Variants in LRRC2 observed in about 807,000 individuals in gnomAD.
The protein encoded by LRRC2 is leucine rich repeat containing 2.
A neutral mutation model predicts 40.2 loss-of-function variants in LRRC2; 27 were observed. That is an observed-to-expected ratio of 0.67 (90% confidence interval 0.49 to 0.93). The LOEUF is 0.93. Ranked by LOEUF, LRRC2 falls within the 40% of genes least tolerant of loss-of-function variation. The pLI is 0.00. For synonymous variants in LRRC2, 147 were observed against 158.9 expected, an observed-to-expected ratio of 0.92 and a Z score of 0.56; for missense variants, 402 against 439.6, an observed-to-expected ratio of 0.91 and a Z score of 0.76.
chr3:46,564,462 A>T (rs2107068730), intron 1 of LRRC2, among the ~76,000 whole-genome samples: 1 of 152,130 alleles, frequency 6.6e-6, no homozygotes, highest in Admixed American at 6.5e-5. Flanking sequence ...CCTTCTTGTC[A>T]AATTACACTG....
intron 3 of LRRC2, among the ~76,000 whole-genome samples, chr3:46,541,215 C>A (rs1302843617): frequency 6.6e-6 from 1 of 151,852 alleles, no homozygotes; most frequent in African/African-American, 2.4e-5. Context: ...CGCCTGCAGT[C>A]CCAGCTGCTC....
intron 1 of LRRC2, among the ~76,000 whole-genome samples, chr3:46,556,610 G>T (rs1363463075): frequency 8.2e-6 from 1 of 122,248 alleles, no homozygotes; most frequent in Non-Finnish European, 1.6e-5. Context: ...ACAGAGTCTC[G>T]CTCTGTCGCC....
At chr3:46,543,105 G>A (rs754787216) in intron 3 of LRRC2, among the ~76,000 whole-genome samples, 1 of 152,146 alleles carries the variant, frequency 6.6e-6, no homozygotes, top group African/African-American at 2.4e-5. Context: ...GGAGGAAAAC[G>A]GTAACTGAAA....
At chr3:46,534,535 C>T (rs1310525105) in intron 4 of LRRC2, among the ~76,000 whole-genome samples, 1 of 151,668 alleles carries the variant, frequency 6.6e-6, no homozygotes, top group African/African-American at 2.4e-5. Flanking sequence ...CTACTAAATG[C>T]ACACCACTTT....
intron 7 of LRRC2, among the ~76,000 whole-genome samples, chr3:46,524,255 A>C (rs1387330810): frequency 6.6e-6 from 1 of 152,170 alleles, no homozygotes; most frequent in Non-Finnish European, 1.5e-5. Context: ...TCACTCAAGC[A>C]CAGGGCTAGC....
intron 2 of LRRC2, among the ~76,000 whole-genome samples, chr3:46,548,805 G>A (rs906930644): frequency 3.3e-5 from 5 of 152,108 alleles, no homozygotes; most frequent in East Asian, 1.9e-4. Context: ...GGATGGTTTC[G>A]GGATAAAACT....
intron 2 of LRRC2, among the ~76,000 whole-genome samples, chr3:46,550,548 C>T (rs907884389): frequency 2.6e-5 from 4 of 152,106 alleles, no homozygotes; most frequent in African/African-American, 7.2e-5. Context: ...CCCGCCACCA[C>T]GCCCGGCTAA....
intron 2 of LRRC2, 149 bp downstream of exon 2, chr3:46,551,318 C>G: frequency 3.4e-6 from 3 of 873,964 alleles, no homozygotes; most frequent in South Asian, 2.0e-5. Flanking sequence ...TACTGAGCAA[C>G]AGTGTAAGGC....
rs548320607 is a variant in LRRC2, at chr3:46,516,667, G to A, written c.*2347C>T. 5 of 152,344 alleles carry A rather than the reference G, an allele frequency of 3.3e-5. No homozygotes were observed. In the East Asian group the frequency reaches 9.6e-4, roughly 29 times the overall value. 9.4% of individuals were successfully genotyped at this position (152,344 alleles called of 1,614,324 possible). A position where few individuals can be genotyped will look rare whatever the true frequency, so the allele number is the denominator to read the frequency against. ...CCTCTGCAGGTCTGAACCCCAGCCT[G>A]GGCCTTGAACATTCCTAGGCACTGA... On this transcript the variant is annotated 3_prime_UTR_variant, in exon 9 of 9. Coordinates refer to ENST00000395905, the MANE Select transcript of LRRC2 (RefSeq NM_024512.5).
intron 1 of LRRC2, among the ~76,000 whole-genome samples, chr3:46,564,452 C>T (rs1350731251): frequency 6.6e-6 from 1 of 151,754 alleles, no homozygotes; most frequent in Non-Finnish European, 1.5e-5. Flanking sequence ...TAGTCCTCTC[C>T]CTTCTTGTCA....
Position 46,526,788 on chromosome 3 carries a change from C to T in LRRC2, c.929+638G>A, listed in dbSNP as rs530958501. On this transcript the variant is annotated intron_variant, in intron 7 of 8. Coordinates refer to ENST00000395905, the MANE Select transcript of LRRC2 (RefSeq NM_024512.5). ...GTCTCTGGACAGAGAGAAGGTGGCT[C>T]TTAATAGAGCAGCCTCGTGTGAATA... Among the ~76,000 whole-genome samples, 64 of 152,346 alleles carry T rather than the reference C, an allele frequency of 4.2e-4. 1 individual carries two copies. The highest frequency in any genetic ancestry group is 3.4e-3 in the Middle Eastern group (1 of 294).
intron 1 of LRRC2, among the ~76,000 whole-genome samples, chr3:46,560,264 T>C (rs1433029626): frequency 6.6e-6 from 1 of 152,170 alleles, no homozygotes; most frequent in African/African-American, 2.4e-5. Flanking sequence ...GAAACCACAC[T>C]GGGGAGCCCA....
chr3:46,560,458 T>C (rs568781842), intron 1 of LRRC2, among the ~76,000 whole-genome samples: 34 of 152,310 alleles, frequency 2.2e-4, no homozygotes, highest in Middle Eastern at 3.4e-3. Flanking sequence ...ACTATAGAAA[T>C]GTCATCATCA....
At chr3:46,556,334 C>T (rs1028950087) in intron 1 of LRRC2, among the ~76,000 whole-genome samples, 3 of 151,844 alleles carry the variant, frequency 2.0e-5, no homozygotes, top group African/African-American at 7.3e-5. Context: ...ACTATGTTGC[C>T]CAGGCTGGTC....
At chr3:46,534,289 G>T (rs966496490) in intron 4 of LRRC2, among the ~76,000 whole-genome samples, 3 of 152,262 alleles carry the variant, frequency 2.0e-5, no homozygotes, top group Admixed American at 2.0e-4. Context: ...GTATTCCATG[G>T]TGTATATGTG....
chr3:46,533,050 G>T, intron 4 of LRRC2, 141 bp from the exon 5 acceptor site: 1 of 833,954 alleles, frequency 1.2e-6, no homozygotes, highest in South Asian at 1.9e-5. Context: ...GGTTTTGGGG[G>T]GTGTATCTAA....
intron 7 of LRRC2, among the ~76,000 whole-genome samples, chr3:46,524,435 G>A (rs575110517): frequency 1.2e-4 from 19 of 152,232 alleles, no homozygotes; most frequent in South Asian, 2.1e-4. Flanking sequence ...AAATTCTTCC[G>A]TTTTTCCTCT....
At chr3:46,528,024 C>T (rs572481379) in intron 6 of LRRC2, among the ~76,000 whole-genome samples, 1 of 152,298 alleles carries the variant, frequency 6.6e-6, no homozygotes, top group South Asian at 2.1e-4. Context: ...CCACTATGCT[C>T]TGCCTAAGTT....
intron 1 of LRRC2, among the ~76,000 whole-genome samples, chr3:46,563,888 G>C (rs1705001860): frequency 6.6e-6 from 1 of 152,224 alleles, no homozygotes; most frequent in African/African-American, 2.4e-5. Flanking sequence ...GCCATCAAAT[G>C]AGGGGGTTTT....
Sources: allele counts gnomAD v4.1 joint callset (sites outside exome capture counted in the v4.1 genomes callset), GRCh38; gene constraint gnomAD v4.1.1; transcripts MANE v1.5; gene names NCBI Gene and HGNC (gene_info 2026-07-23, HGNC 2026-07-21).